CNTN6: variants seen among roughly 807,000 people sequenced by gnomAD.
The protein encoded by CNTN6 is contactin-6.
In CNTN6, 137 loss-of-function variants were observed where a neutral mutation model predicts 122.8. The observed-to-expected ratio is 1.12, with a 90% CI of 0.97 to 1.29. The LOEUF (loss-of-function observed/expected upper bound fraction) is 1.29. Ranked by LOEUF, CNTN6 falls within the 50% of genes most tolerant of loss-of-function variation. CNTN6 has a pLI of 0.00. For missense variants in CNTN6, 1,634 were observed against 1,223.4 expected, an observed-to-expected ratio of 1.34 and a Z score of -5.01; for synonymous variants, 570 against 426.0, an observed-to-expected ratio of 1.34 and a Z score of -4.16.
At chr3:1,377,174 C>A in intron 17 of CNTN6, 99 bp downstream of exon 17, 5 of 749,286 alleles carry the variant, frequency 6.7e-6, no homozygotes, top group South Asian at 2.3e-5. Context: ...CTATTGAGAG[C>A]GTAAAAAAAT....
At chr3:1,318,470 G>C (rs77437984) in intron 7 of CNTN6, among the ~76,000 whole-genome samples, 1 of 151,768 alleles carries the variant, frequency 6.6e-6, no homozygotes, top group East Asian at 1.9e-4. Context: ...ATTAGAGCCC[G>C]CTGGGAATTC....
At chr3:1,251,820 C>A (rs3772339) in intron 4 of CNTN6, among the ~76,000 whole-genome samples, 59,740 of 151,834 alleles carry the variant, frequency 0.39, 11,884 homozygotes, top group African/African-American at 0.44. Flanking sequence ...CCTCAAACAA[C>A]ATTTTCCTGA....
intron 8 of CNTN6, among the ~76,000 whole-genome samples, chr3:1,324,455 G>T (rs1701268566): frequency 6.7e-6 from 1 of 149,658 alleles, no homozygotes; most frequent in Non-Finnish European, 1.5e-5. Flanking sequence ...AAACTACCAA[G>T]CACATCTTGT....
At chr3:1,095,123 A>G (rs1046724210) in intron 1 of CNTN6, among the ~76,000 whole-genome samples, 1 of 151,996 alleles carries the variant, frequency 6.6e-6, no homozygotes, top group Admixed American at 6.6e-5. Flanking sequence ...TAGATAATAT[A>G]GTCAATAATA....
At chr3:1,355,385 T>C (rs1499215) in intron 12 of CNTN6, among the ~76,000 whole-genome samples, 59,500 of 151,466 alleles carry the variant, frequency 0.39, 13,071 homozygotes, top group African/African-American at 0.58. Flanking sequence ...ATTATTACCA[T>C]GTCCTCTTAA....
chr3:1,216,451 G>C (rs1036863927), intron 2 of CNTN6, among the ~76,000 whole-genome samples: 1 of 151,968 alleles, frequency 6.6e-6, no homozygotes, highest in Non-Finnish European at 1.5e-5. Flanking sequence ...TTCTTTTCAG[G>C]CATTGTTAAT....
chr3:1,271,133 G>A (rs56048831), intron 4 of CNTN6, among the ~76,000 whole-genome samples: 23,701 of 152,172 alleles, frequency 0.16, 2,138 homozygotes, highest in South Asian at 0.3. Context: ...CCACCTTGGT[G>A]TCCCAAATTG....
chr3:1,389,607 G>C (rs1693781340), intron 20 of CNTN6, among the ~76,000 whole-genome samples: 1 of 128,004 alleles, frequency 7.8e-6, no homozygotes, highest in African/African-American at 2.5e-5. Flanking sequence ...CTAATTAAAA[G>C]ACACAGACTG....
intron 11 of CNTN6, among the ~76,000 whole-genome samples, chr3:1,337,432 C>T (rs981775833): frequency 7.9e-5 from 12 of 152,266 alleles, no homozygotes; most frequent in East Asian, 3.9e-4. Flanking sequence ...ATATCTCCGT[C>T]GCACATGCCT....
chr3:1,361,723 G>A (rs1707490228), intron 12 of CNTN6, among the ~76,000 whole-genome samples: 1 of 152,052 alleles, frequency 6.6e-6, no homozygotes, highest in African/African-American at 2.4e-5. Context: ...ACCTCCCACT[G>A]ATGTTCACCA....
chr3:1,346,197 G>T (rs1468119136), intron 11 of CNTN6, among the ~76,000 whole-genome samples: 1 of 152,140 alleles, frequency 6.6e-6, no homozygotes, highest in South Asian at 2.1e-4. Flanking sequence ...AAAAAAGGAT[G>T]TGAATGTTAA....
chr3:1,328,648 A>T (rs1022065275), intron 10 of CNTN6, among the ~76,000 whole-genome samples: 2 of 151,850 alleles, frequency 1.3e-5, no homozygotes, highest in African/African-American at 4.8e-5. Context: ...AGTTGAACAT[A>T]ACCTACATTG....
intron 1 of CNTN6, among the ~76,000 whole-genome samples, chr3:1,102,998 C>G (rs528582748): frequency 9.9e-5 from 15 of 150,980 alleles, no homozygotes; most frequent in African/African-American, 2.7e-4. Flanking sequence ...CCCAGCTACT[C>G]GGGAGGCTGA....
At chr3:1,395,030 A>G (rs1694815747) in intron 20 of CNTN6, among the ~76,000 whole-genome samples, 1 of 152,182 alleles carries the variant, frequency 6.6e-6, no homozygotes, top group Admixed American at 6.5e-5. Context: ...AAACCTCTGT[A>G]ATTCCTAGAT....
intron 7 of CNTN6, among the ~76,000 whole-genome samples, chr3:1,304,998 A>AC (rs1698113770): frequency 6.6e-6 from 1 of 151,866 alleles, no homozygotes; most frequent in South Asian, 2.1e-4. Context: ...AAAAAAAAAA[A>AC]AAAAAACAAA....
At chr3:1,115,741 T>C (rs1343079459) in intron 1 of CNTN6, among the ~76,000 whole-genome samples, 1 of 151,128 alleles carries the variant, frequency 6.6e-6, no homozygotes, top group Non-Finnish European at 1.5e-5. Flanking sequence ...AACAGGGTGA[T>C]ACTCTGTCTC....
chr3:1,368,951 G>T (rs1054666742), intron 12 of CNTN6, among the ~76,000 whole-genome samples: 5 of 152,040 alleles, frequency 3.3e-5, no homozygotes, highest in African/African-American at 9.7e-5. Context: ...CCTTAATGAC[G>T]TTTGTGGCTT....
In CNTN6 at chr3:1,138,038, C is replaced by A. The variant is rs369794988; in HGVS notation, c.-82-9889C>A. Among the ~76,000 whole-genome samples the A allele has an allele frequency of 2.6e-5, 4 of 152,242 alleles. No individual in the cohort carries two copies. In the East Asian group the frequency reaches 7.7e-4, roughly 29 times the overall value. On this transcript the variant is annotated intron_variant, in intron 1 of 22. Coordinates refer to ENST00000446702, the MANE Select transcript of CNTN6 (RefSeq NM_001289080.2). ...CCTGCTAAATCCTCTCTTCCCCAGG[C>A]TAAACATACTCATTTCTTTTCACTG...
intron 20 of CNTN6, among the ~76,000 whole-genome samples, chr3:1,389,376 AC>A (rs1693738635): frequency 6.6e-6 from 1 of 152,088 alleles, no homozygotes; most frequent in Admixed American, 6.5e-5. Context: ...AGATTTTGTC[AC>A]CACCAGGCCT....
Sources: allele counts gnomAD v4.1 joint callset (sites outside exome capture counted in the v4.1 genomes callset), GRCh38; gene constraint gnomAD v4.1.1; transcripts MANE v1.5; gene names NCBI Gene and HGNC (gene_info 2026-07-23, HGNC 2026-07-21).